The following SNHG17 variants were observed in gnomAD, a reference collection of about 807,000 sequenced individuals.
SNHG17 encodes small nucleolar RNA host gene 17 (non-protein coding).
intron 3 of SNHG17, chr20:38,429,252 T>G (rs1345422004): frequency 1.9e-5 from 3 of 155,424 alleles, no homozygotes; most frequent in African/African-American, 7.2e-5. Flanking sequence ...TTAGTTCTTA[T>G]AGAGGCGGGG....
At chr20:38,429,605 C>A in intron 3 of SNHG17, 1 of 437,656 alleles carries the variant, frequency 2.3e-6, no homozygotes, top group Non-Finnish European at 4.4e-6. Context: ...GGGAGAAGAG[C>A]AACACAACCC....
At chr20:38,427,446 GAAAC>G (rs1315920931) in intron 3 of SNHG17, 1 of 514,752 alleles carries the variant, frequency 1.9e-6, no homozygotes, top group African/African-American at 1.9e-5. Flanking sequence ...TGCAGGAGCA[GAAAC>G]AGACAGGAGA....
intron 1 of SNHG17, chr20:38,434,958 G>A (rs920333316): frequency 4.1e-6 from 5 of 1,228,362 alleles, no homozygotes; most frequent in African/African-American, 1.6e-5. Flanking sequence ...CAGAGTAGCT[G>A]CGCGGACAGG....
At chr20:38,421,235 A>G (rs1452415791) in intron 6 of SNHG17, 1 of 152,274 alleles carries the variant, frequency 6.6e-6, no homozygotes, top group Non-Finnish European at 1.5e-5. Context: ...AAATCCCAAC[A>G]GAAAGGACAT....
In SNHG17 at chr20:38,428,636, T is replaced by C. The variant is rs967255979; in HGVS notation, n.381-2133A>G. 7 of 152,368 alleles carry C rather than the reference T, an allele frequency of 4.6e-5. No homozygotes were observed. In the South Asian group the frequency reaches 8.3e-4, roughly 18 times the overall value. The allele number at this position is 152,368 out of a possible 1,614,324, so 9.4% of individuals were successfully genotyped here. ...GAGAACTTCTAAGGCAGGGATGATA[T>C]CCGCTTCATCTGTCAGGCCAACTGT... is the stretch of plus-strand genomic sequence containing the variant. On this transcript the variant is annotated intron_variant and non_coding_transcript_variant, in intron 3 of 8. Coordinates refer to ENST00000654008, the Ensembl canonical transcript of SNHG17.
At chr20:38,422,518 T>C (rs2084173951) in intron 5 of SNHG17, among the ~76,000 whole-genome samples, 1 of 152,162 alleles carries the variant, frequency 6.6e-6, no homozygotes, top group African/African-American at 2.4e-5. Flanking sequence ...AAACTATCTG[T>C]GAGAAAAATG....
chr20:38,422,846 T>G (rs934440372), intron 5 of SNHG17, among the ~76,000 whole-genome samples: 1 of 152,048 alleles, frequency 6.6e-6, no homozygotes, highest in Non-Finnish European at 1.5e-5. Flanking sequence ...ATCCCAGTAC[T>G]TTGGGGGGCC....
At chr20:38,428,260 C>T (rs569107509) in intron 3 of SNHG17, 1 of 152,250 alleles carries the variant, frequency 6.6e-6, no homozygotes, top group Non-Finnish European at 1.5e-5. Flanking sequence ...TCCACAGCCC[C>T]TGAAGGCACA....
At position 38,429,765 on chromosome 20, in the gene SNHG17, C is replaced by G. The variant is rs780466275; in HGVS notation, n.380+1276G>C. ...TTCCTCTCCCTGCACTACCAATGACCAGGGCACGGGCAGCTCATGATCACT... is the reference window on the plus strand; with the variant it reads ...TTCCTCTCCCTGCACTACCAATGACGAGGGCACGGGCAGCTCATGATCACT... On this transcript the variant is annotated intron_variant and non_coding_transcript_variant, in intron 3 of 8. Coordinates refer to ENST00000654008, the Ensembl canonical transcript of SNHG17. 112 of 517,276 alleles carry G rather than the reference C, an allele frequency of 2.2e-4. 1 individual carries two copies. Among genetic ancestry groups the G allele is most frequent in the Admixed American group, 2.2e-3 (111 of 51,366 alleles). 32.0% of individuals were successfully genotyped at this position (517,276 alleles called of 1,614,324 possible). A position where few individuals can be genotyped will look rare whatever the true frequency, so the allele number is the denominator to read the frequency against.
chr20:38,422,817 G>C (rs563293649), intron 5 of SNHG17, among the ~76,000 whole-genome samples: 98 of 152,006 alleles, frequency 6.4e-4, no homozygotes, highest in Non-Finnish European at 1.1e-3. Flanking sequence ...TTGGCCAGGC[G>C]CGGTGGCTCA....
At chr20:38,432,724 A>T (rs925119483) in intron 2 of SNHG17, among the ~76,000 whole-genome samples, 3 of 152,194 alleles carry the variant, frequency 2.0e-5, no homozygotes, top group African/African-American at 7.2e-5. Context: ...TTGTTTAAAG[A>T]CAAGGTCTGG....
rs149590710 is a variant in SNHG17 at position 38,424,458 on chromosome 20, C to T, written n.579+1477G>A. On this transcript the variant is annotated intron_variant and non_coding_transcript_variant, in intron 5 of 8. Coordinates refer to ENST00000654008, the Ensembl canonical transcript of SNHG17. ...CCATGGACGCTCCTCACAGCCAGGA[C>T]TGAAGGTGGACTGTAACAGCTGGCT... 1.1e-4 allele frequency among the ~76,000 whole-genome samples: 17 copies of T among 152,280 alleles called. No homozygotes were observed. The East Asian group carries it at 3.3e-3, about 29-fold the overall frequency.
intron 1 of SNHG17, chr20:38,435,161 G>A (rs2084410834): frequency 1.6e-6 from 2 of 1,232,220 alleles, no homozygotes; most frequent in Non-Finnish European, 2.0e-6. Flanking sequence ...CCGATGGTGA[G>A]AGTGGAGCCG....
In SNHG17 at chr20:38,426,804, G is replaced by A. The variant is rs149028542; in HGVS notation, n.381-301C>T. Among the ~76,000 whole-genome samples the A allele has an allele frequency of 7.2e-3, 1,088 of 150,842 alleles. 51 individuals are homozygous for A. The highest frequency in any genetic ancestry group is 0.024 in the African/African-American group (982 of 41,094). ...GTGACACCAATGCACACCTCAGAGG[G>A]TCGAGAGAACAGGCGAAACTCTTGG... On this transcript the variant is annotated intron_variant and non_coding_transcript_variant, in intron 3 of 8. Coordinates refer to ENST00000654008, the Ensembl canonical transcript of SNHG17.
intron 5 of SNHG17, among the ~76,000 whole-genome samples, chr20:38,422,696 G>A (rs187811294): frequency 1.2e-3 from 179 of 152,104 alleles, no homozygotes; most frequent in Middle Eastern, 3.4e-3. Flanking sequence ...GCCAAGATAC[G>A]GAAACAATCT....
intron 3 of SNHG17, chr20:38,429,622 T>C (rs1165919710): frequency 2.6e-5 from 12 of 464,568 alleles, no homozygotes; most frequent in Admixed American, 2.5e-4. Context: ...ACCCACTAGA[T>C]GATGCCAGGC....
chr20:38,434,391 G>A, intron 2 of SNHG17: 1 of 214,384 alleles, frequency 4.7e-6, no homozygotes, highest in South Asian at 6.6e-5. Context: ...CTCTGCACCC[G>A]CTTTGCCAGA....
At chr20:38,422,989 G>A (rs2084184003) in intron 5 of SNHG17, among the ~76,000 whole-genome samples, 1 of 151,558 alleles carries the variant, frequency 6.6e-6, no homozygotes, top group Non-Finnish European at 1.5e-5. Flanking sequence ...CTACTCGGGA[G>A]GCTGAGGCAG....
At chr20:38,433,875 C>T in intron 2 of SNHG17, 1 of 519,228 alleles carries the variant, frequency 1.9e-6, no homozygotes, top group South Asian at 1.4e-5. Context: ...TGTGAGAAAG[C>T]TCCAGAGTTT....
Sources: allele counts gnomAD v4.1 joint callset (sites outside exome capture counted in the v4.1 genomes callset), GRCh38; gene constraint gnomAD v4.1.1; transcripts MANE v1.5; gene names NCBI Gene and HGNC (gene_info 2026-07-23, HGNC 2026-07-21).